Variants in EXT1 observed in about 807,000 individuals in gnomAD.
EXT1 encodes exostosin glycosyltransferase 1.
A neutral mutation model predicts 82.5 loss-of-function variants in EXT1; 20 were observed. The ratio of observed to expected loss-of-function variants is 0.24; its 90% confidence interval spans 0.17 to 0.35. EXT1 has a LOEUF of 0.35. EXT1 is among the 10% of genes least tolerant of loss of function. EXT1 has a pLI of 1.00. For missense variants in EXT1, 757 were observed against 936.5 expected, an observed-to-expected ratio of 0.81 and a Z score of 2.50; for synonymous variants, 348 against 350.8, an observed-to-expected ratio of 0.99 and a Z score of 0.09.
chr8:117,943,478 T>C (rs1460019296), intron 1 of EXT1, among the ~76,000 whole-genome samples: 2 of 151,622 alleles, frequency 1.3e-5, no homozygotes, highest in African/African-American at 4.9e-5. Context: ...ACAAAAAAAA[T>C]GTGTTTATAC....
At chr8:117,809,244 T>TA (rs1554657605) in intron 8 of EXT1, among the ~76,000 whole-genome samples, 2,033 of 138,062 alleles carry the variant, frequency 0.015, 65 homozygotes, top group African/African-American at 0.048. Flanking sequence ...TATATATATA[T>TA]TATGTTCTAT....
At chr8:117,987,505 G>C (rs149246802) in intron 1 of EXT1, among the ~76,000 whole-genome samples, 225 of 152,326 alleles carry the variant, frequency 1.5e-3, no homozygotes, top group African/African-American at 5.2e-3. Flanking sequence ...TAGCACAGCA[G>C]GTAAAAGTTT....
intron 1 of EXT1, among the ~76,000 whole-genome samples, chr8:117,839,708 T>C (rs1812244062): frequency 1.3e-5 from 2 of 152,228 alleles, no homozygotes; most frequent in African/African-American, 4.8e-5. Context: ...CTATTCTAGT[T>C]TGACCACGTG....
In EXT1 at chr8:117,928,301, G is replaced by A. The variant is rs527564475; in HGVS notation, c.963-91100C>T. The stretch of plus-strand genomic sequence containing the variant: ...GAATGAGTGTGATGAACTAGGGTGG[G>A]AGTCTGTCTGCCCAGCCTATTACCT... On this transcript the variant is annotated intron_variant, in intron 1 of 10. Coordinates refer to ENST00000378204, the MANE Select transcript of EXT1 (RefSeq NM_000127.3). Among the ~76,000 whole-genome samples, 40 of 152,306 alleles carry A rather than the reference G, an allele frequency of 2.6e-4. 1 individual carries two copies. The highest frequency in any genetic ancestry group is 2.4e-3 in the Admixed American group (36 of 15,302).
intron 1 of EXT1, among the ~76,000 whole-genome samples, chr8:117,944,189 G>A (rs554739708): frequency 1.6e-4 from 25 of 152,230 alleles, no homozygotes; most frequent in African/African-American, 5.3e-4. Flanking sequence ...ATCACTTGAA[G>A]TCAGGAGACC....
At chr8:118,015,369 A>C (rs1486648054) in intron 1 of EXT1, among the ~76,000 whole-genome samples, 1 of 152,236 alleles carries the variant, frequency 6.6e-6, no homozygotes, top group East Asian at 1.9e-4. Context: ...CAAAATGAAC[A>C]TGAAGACCAT....
intron 1 of EXT1, among the ~76,000 whole-genome samples, chr8:117,942,977 C>T (rs1276852410): frequency 6.6e-6 from 1 of 152,182 alleles, no homozygotes; most frequent in East Asian, 1.9e-4. Context: ...TAGAAACTCT[C>T]AAACGTCTTT....
chr8:118,066,476 A>C (rs10111580), intron 1 of EXT1, among the ~76,000 whole-genome samples: 3,970 of 151,890 alleles, frequency 0.026, 175 homozygotes, highest in African/African-American at 0.091. Flanking sequence ...CTCCTGCCTC[A>C]GCCTCCTGAG....
chr8:118,101,664 T>C (rs1267304416), intron 1 of EXT1, among the ~76,000 whole-genome samples: 3 of 152,234 alleles, frequency 2.0e-5, no homozygotes, highest in South Asian at 2.1e-4. Context: ...GGGAGGATTT[T>C]GGCTGGAGAA....
chr8:118,044,845 A>G (rs1816596955), intron 1 of EXT1, among the ~76,000 whole-genome samples: 1 of 152,202 alleles, frequency 6.6e-6, no homozygotes, highest in Non-Finnish European at 1.5e-5. Context: ...TTGTAAACAA[A>G]GTTTTATTGG....
intron 1 of EXT1, among the ~76,000 whole-genome samples, chr8:117,864,469 A>G (rs1322221531): frequency 6.6e-6 from 1 of 152,146 alleles, no homozygotes; most frequent in African/African-American, 2.4e-5. Flanking sequence ...AAAAATCGCG[A>G]TCAGGAGCAG....
chr8:118,074,659 G>A (rs1817173191), intron 1 of EXT1, among the ~76,000 whole-genome samples: 2 of 152,158 alleles, frequency 1.3e-5, no homozygotes, highest in South Asian at 2.1e-4. Context: ...AGGGGTGAGG[G>A]GCGAGATATT....
At chr8:117,866,533 C>T (rs963594451) in intron 1 of EXT1, among the ~76,000 whole-genome samples, 1 of 152,120 alleles carries the variant, frequency 6.6e-6, no homozygotes. Context: ...GAGAATTAAC[C>T]AAGCTCAAGG....
chr8:118,032,134 A>AGT (rs1816335987), intron 1 of EXT1, among the ~76,000 whole-genome samples: 1 of 143,150 alleles, frequency 7.0e-6, no homozygotes, highest in African/African-American at 2.5e-5. Flanking sequence ...TCAATGGCCA[A>AGT]AACCGCGATG....
intron 1 of EXT1, among the ~76,000 whole-genome samples, chr8:117,856,995 G>C (rs182325337): frequency 1.3e-5 from 2 of 152,232 alleles, no homozygotes; most frequent in East Asian, 3.9e-4. Context: ...TGTATATTTA[G>C]CTTTAAAGCT....
chr8:117,937,333 A>AATAT lies in EXT1; in HGVS notation c.963-100136_963-100133dup, dbSNP rs1310068269. On this transcript the variant is annotated intron_variant, in intron 1 of 10. Transcript: ENST00000378204. ...AATGTAACAAGTTCACTCAGTACTTAATATAATCGAGGACACAATCCATAA... is the reference window on the plus strand; with the variant it reads ...AATGTAACAAGTTCACTCAGTACTTAATATATATAATCGAGGACACAATCCATAA... Among the ~76,000 whole-genome samples, 3 of 152,240 alleles carry AATAT rather than the reference A, an allele frequency of 2.0e-5. No individual in the cohort carries two copies. In the East Asian group the frequency reaches 5.8e-4, roughly 29 times the overall value.
At chr8:117,881,059 G>A (rs1277035346) in intron 1 of EXT1, among the ~76,000 whole-genome samples, 1 of 152,156 alleles carries the variant, frequency 6.6e-6, no homozygotes, top group East Asian at 1.9e-4. Context: ...CCATCTAGTA[G>A]AAATCAAGTG....
intron 1 of EXT1, among the ~76,000 whole-genome samples, chr8:118,105,254 C>T (rs552986348): frequency 6.6e-6 from 1 of 152,202 alleles, no homozygotes; most frequent in Non-Finnish European, 1.5e-5. Context: ...ACAGAAAGAA[C>T]TAACACCACC....
chr8:117,836,707 A>T (rs1005789333), intron 2 of EXT1, among the ~76,000 whole-genome samples: 1 of 152,168 alleles, frequency 6.6e-6, no homozygotes, highest in Non-Finnish European at 1.5e-5. Context: ...GCTGGGGATC[A>T]TTCTCAAAAT....
Sources: allele counts gnomAD v4.1 joint callset (sites outside exome capture counted in the v4.1 genomes callset), GRCh38; gene constraint gnomAD v4.1.1; transcripts MANE v1.5; gene names NCBI Gene and HGNC (gene_info 2026-07-23, HGNC 2026-07-21).